Variants in THRB observed in about 807,000 individuals in gnomAD.
THRB encodes thyroid hormone receptor beta, also known as nuclear receptor subfamily 1 group A member 2.
In THRB, 12 loss-of-function variants were observed where a neutral mutation model predicts 47.8. That is an observed-to-expected ratio of 0.25 (90% confidence interval 0.16 to 0.41). The LOEUF is 0.41. THRB is among the 10% of genes least tolerant of loss of function. The pLI is 1.00. For missense variants in THRB, 348 were observed against 589.2 expected, an observed-to-expected ratio of 0.59 and a Z score of 4.24; for synonymous variants, 218 against 212.2, an observed-to-expected ratio of 1.03 and a Z score of -0.24.
intron 1 of THRB, among the ~76,000 whole-genome samples, chr3:24,409,403 C>T (rs1416672455): frequency 1.3e-5 from 2 of 150,736 alleles, no homozygotes; most frequent in African/African-American, 4.8e-5. Context: ...GTGATAATGA[C>T]TTCTGGGAGG....
intron 4 of THRB, among the ~76,000 whole-genome samples, chr3:24,215,547 C>G (rs895919683): frequency 6.6e-6 from 1 of 152,184 alleles, no homozygotes; most frequent in Non-Finnish European, 1.5e-5. Context: ...GAAACAGACA[C>G]TTTTTAAACA....
chr3:24,138,980 T>C (rs2035067998), intron 8 of THRB, among the ~76,000 whole-genome samples: 1 of 152,204 alleles, frequency 6.6e-6, no homozygotes, highest in African/African-American at 2.4e-5. Flanking sequence ...ATAGACAAGA[T>C]TGTTGCTGTC....
intron 4 of THRB, 137 bp from the exon 5 acceptor site, chr3:24,190,471 A>G (rs1317754024): frequency 1.8e-6 from 2 of 1,131,352 alleles, no homozygotes; most frequent in Non-Finnish European, 1.3e-6. Context: ...CGGGAGTGAT[A>G]AGATGCAGAA....
At chr3:24,379,593 G>C (rs780236419) in intron 1 of THRB, among the ~76,000 whole-genome samples, 8 of 148,322 alleles carry the variant, frequency 5.4e-5, no homozygotes, top group Non-Finnish European at 8.9e-5. Flanking sequence ...TCAGCATGAG[G>C]ATTCTGTAAC....
rs956717306 is a variant in THRB, at chr3:24,189,293, A to G, written c.283+781T>C. ...GACCCCCCCTTTTCTTTTAAAAAAG[A>G]AAAACCACTAAACTGAAAAAGAATG... On this transcript the variant is annotated intron_variant, in intron 5 of 10. Transcript: ENST00000646209. Among the ~76,000 whole-genome samples the G allele has an allele frequency of 2.0e-5, 3 of 152,268 alleles. No individual in the cohort carries two copies. In the South Asian group the frequency reaches 6.2e-4, roughly 32 times the overall value.
intron 3 of THRB, among the ~76,000 whole-genome samples, chr3:24,237,091 A>G (rs774423644): frequency 7.9e-5 from 12 of 152,238 alleles, no homozygotes; most frequent in African/African-American, 1.2e-4. Context: ...AAAGAGGAAC[A>G]TAAAACTCTG....
At chr3:24,412,156 T>C (rs1310017377) in intron 1 of THRB, among the ~76,000 whole-genome samples, 2 of 151,894 alleles carry the variant, frequency 1.3e-5, no homozygotes, top group Non-Finnish European at 2.9e-5. Flanking sequence ...ATAATCCATA[T>C]GCTAGCTAAT....
chr3:24,125,974 A>G (rs2032703046), intron 10 of THRB, among the ~76,000 whole-genome samples: 1 of 152,190 alleles, frequency 6.6e-6, no homozygotes, highest in Non-Finnish European at 1.5e-5. Flanking sequence ...ATGGGAGTTC[A>G]TTATGCTATT....
chr3:24,245,619 A>C (rs1311883416), intron 3 of THRB, among the ~76,000 whole-genome samples: 2 of 152,112 alleles, frequency 1.3e-5, no homozygotes, highest in Non-Finnish European at 2.9e-5. Flanking sequence ...TCCAGCTATA[A>C]ACTGAGGGCC....
intron 1 of THRB, among the ~76,000 whole-genome samples, chr3:24,395,276 T>C: frequency 6.6e-6 from 1 of 152,072 alleles, no homozygotes; most frequent in Non-Finnish European, 1.5e-5. Flanking sequence ...ATTTGACTTC[T>C]TCAAAATTAA....
chr3:24,242,898 T>C (rs2049696165), intron 3 of THRB, among the ~76,000 whole-genome samples: 1 of 151,968 alleles, frequency 6.6e-6, no homozygotes, highest in Non-Finnish European at 1.5e-5. Flanking sequence ...GCCACTGCTA[T>C]AGCAGCAAGA....
At chr3:24,331,668 A>G (rs2061939264) in intron 2 of THRB, among the ~76,000 whole-genome samples, 1 of 134,758 alleles carries the variant, frequency 7.4e-6, no homozygotes, top group Non-Finnish European at 1.5e-5. Context: ...ACATACACAC[A>G]CCTCCGTGTA....
chr3:24,296,607 C>T (rs369569149), intron 3 of THRB, among the ~76,000 whole-genome samples: 1 of 152,206 alleles, frequency 6.6e-6, no homozygotes, highest in African/African-American at 2.4e-5. Flanking sequence ...GTGACACATC[C>T]TATGACCAGT....
intron 3 of THRB, among the ~76,000 whole-genome samples, chr3:24,285,914 C>T (rs1363567117): frequency 6.6e-6 from 1 of 152,112 alleles, no homozygotes; most frequent in Non-Finnish European, 1.5e-5. Flanking sequence ...GCACTAACCC[C>T]CAATGTGATG....
chr3:24,452,979 A>G (rs1251662494), intron 1 of THRB, among the ~76,000 whole-genome samples: 10 of 152,282 alleles, frequency 6.6e-5, no homozygotes, highest in African/African-American at 2.4e-4. Flanking sequence ...CTCTCCACTC[A>G]GATATCTCAC....
intron 6 of THRB, among the ~76,000 whole-genome samples, chr3:24,150,013 A>G (rs2036668055): frequency 6.6e-6 from 1 of 152,216 alleles, no homozygotes; most frequent in African/African-American, 2.4e-5. Flanking sequence ...TCACTGATCA[A>G]TGTGAAAAGG....
intron 1 of THRB, among the ~76,000 whole-genome samples, chr3:24,377,069 C>T (rs2065347794): frequency 6.6e-6 from 1 of 152,116 alleles, no homozygotes; most frequent in Admixed American, 6.6e-5. Context: ...TCCCAGGTAG[C>T]TGGGACCATA....
chr3:24,460,230 T>C (rs2073571822), intron 1 of THRB, among the ~76,000 whole-genome samples: 1 of 152,236 alleles, frequency 6.6e-6, no homozygotes, highest in African/African-American at 2.4e-5. Flanking sequence ...GATGTATCTT[T>C]CTAAAAATAC....
At chr3:24,270,699 A>G (rs1261974332) in intron 3 of THRB, among the ~76,000 whole-genome samples, 1 of 152,200 alleles carries the variant, frequency 6.6e-6, no homozygotes, top group Non-Finnish European at 1.5e-5. Context: ...CAGGCCTGGG[A>G]GTGGGCAGAG....
Sources: allele counts gnomAD v4.1 joint callset (sites outside exome capture counted in the v4.1 genomes callset), GRCh38; gene constraint gnomAD v4.1.1; transcripts MANE v1.5; gene names NCBI Gene and HGNC (gene_info 2026-07-23, HGNC 2026-07-21).